Variants in SPOCK3 observed in about 807,000 individuals in gnomAD.
SPOCK3 encodes testican-3.
Under a neutral mutation model 56.6 loss-of-function variants are expected in SPOCK3, and 30 were observed. The observed-to-expected ratio is 0.53, with a 90% CI of 0.40 to 0.72. The LOEUF (loss-of-function observed/expected upper bound fraction) is 0.72. SPOCK3 is among the 30% of genes least tolerant of loss of function. SPOCK3 has a pLI of 0.00. For missense variants in SPOCK3, 527 were observed against 530.0 expected (o/e 0.99, Z 0.06); for synonymous variants, 196 against 183.3 (o/e 1.07, Z -0.56).
intron 2 of SPOCK3, among the ~76,000 whole-genome samples, chr4:167,170,571 G>A (rs573673014): frequency 1.3e-5 from 2 of 152,028 alleles, no homozygotes; most frequent in African/African-American, 4.8e-5. Flanking sequence ...TTTTACTAAC[G>A]AGAAGACCAA....
chr4:166,923,913 C>A (rs1382663081), intron 4 of SPOCK3, among the ~76,000 whole-genome samples: 1 of 152,116 alleles, frequency 6.6e-6, no homozygotes, highest in Non-Finnish European at 1.5e-5. Context: ...ATATCAACAT[C>A]CCTCATTTGA....
At chr4:166,817,294 G>A (rs941910623) in intron 6 of SPOCK3, among the ~76,000 whole-genome samples, 5 of 152,028 alleles carry the variant, frequency 3.3e-5, no homozygotes, top group Admixed American at 1.3e-4. Flanking sequence ...TTCACTGGGT[G>A]AGAAACATTA....
At chr4:167,101,136 G>A (rs1436127536) in intron 2 of SPOCK3, among the ~76,000 whole-genome samples, 5 of 152,068 alleles carry the variant, frequency 3.3e-5, no homozygotes, top group Admixed American at 3.3e-4. Context: ...AGTGGTGGCT[G>A]TTTTCTTTAT....
At chr4:167,194,947 GCC>G (rs901529219) in intron 2 of SPOCK3, among the ~76,000 whole-genome samples, 15 of 152,286 alleles carry the variant, frequency 9.8e-5, no homozygotes, top group Non-Finnish European at 1.9e-4. Flanking sequence ...GGCAGTACTA[GCC>G]CCTAAATCAC....
intron 3 of SPOCK3, among the ~76,000 whole-genome samples, chr4:167,046,324 T>C (rs1203654195): frequency 1.3e-5 from 2 of 151,984 alleles, no homozygotes; most frequent in African/African-American, 4.8e-5. Context: ...GCATTTATTC[T>C]TCTTGGTGTT....
intron 2 of SPOCK3, among the ~76,000 whole-genome samples, chr4:167,072,772 T>C (rs1265868041): frequency 1.3e-5 from 2 of 151,902 alleles, no homozygotes; most frequent in Non-Finnish European, 2.9e-5. Flanking sequence ...ACGATATGTA[T>C]TCTGAAGCCA....
intron 4 of SPOCK3, among the ~76,000 whole-genome samples, chr4:166,958,889 C>A (rs1185682513): frequency 6.6e-6 from 1 of 152,110 alleles, no homozygotes; most frequent in Non-Finnish European, 1.5e-5. Context: ...AAAGGGATGA[C>A]CAAGACAGAA....
intron 4 of SPOCK3, among the ~76,000 whole-genome samples, chr4:166,926,998 T>C (rs1561017964): frequency 1.3e-5 from 2 of 152,142 alleles, no homozygotes; most frequent in African/African-American, 2.4e-5. Flanking sequence ...AGGTGACTAA[T>C]AGCAATGGAC....
intron 2 of SPOCK3, among the ~76,000 whole-genome samples, chr4:167,073,076 TA>T (rs988220164): frequency 7.9e-5 from 12 of 151,752 alleles, no homozygotes; most frequent in Non-Finnish European, 1.6e-4. Flanking sequence ...ATATGTGCAA[TA>T]AATATTAATA....
At chr4:166,836,575 G>A (rs575859664) in intron 6 of SPOCK3, among the ~76,000 whole-genome samples, 1 of 152,258 alleles carries the variant, frequency 6.6e-6, no homozygotes, top group South Asian at 2.1e-4. Context: ...CCTCAGTGAA[G>A]ATTGTTTTTT....
intron 2 of SPOCK3, among the ~76,000 whole-genome samples, chr4:167,086,505 G>C (rs914077928): frequency 6.6e-6 from 1 of 152,044 alleles, no homozygotes; most frequent in Non-Finnish European, 1.5e-5. Context: ...ACATGGTTCT[G>C]GGTTCTGCTA....
At chr4:167,041,692 C>A (rs1188592719) in intron 3 of SPOCK3, among the ~76,000 whole-genome samples, 2 of 152,136 alleles carry the variant, frequency 1.3e-5, no homozygotes, top group Admixed American at 6.5e-5. Context: ...TTCTATTATA[C>A]TGTAGGATGA....
At position 166,909,620 on chromosome 4, in the gene SPOCK3, G is replaced by A. The variant is rs557367970; in HGVS notation, c.474+3000C>T. Among the ~76,000 whole-genome samples, 4 of 152,112 alleles carry A rather than the reference G, an allele frequency of 2.6e-5. No homozygotes were observed. The South Asian group carries it at 8.3e-4, about 32-fold the overall frequency. On this transcript the variant is annotated intron_variant, in intron 5 of 10. Transcript: ENST00000357545. The stretch of plus-strand genomic sequence containing the variant: ...GACTGCACTTCCACACTGAATGTAG[G>A]GCCCCACATCCAAGACTCATCATAT...
chr4:167,223,106 TATATA>T (rs1485986829), intron 2 of SPOCK3, among the ~76,000 whole-genome samples: 2 of 88,938 alleles, frequency 2.2e-5, no homozygotes, highest in Non-Finnish European at 3.9e-5. Flanking sequence ...TATATATGAA[TATATA>T]ATATATATTT....
intron 2 of SPOCK3, among the ~76,000 whole-genome samples, chr4:167,227,730 T>C (rs965778878): frequency 1.3e-5 from 2 of 152,080 alleles, no homozygotes; most frequent in African/African-American, 2.4e-5. Context: ...TAAAAATAAG[T>C]ACATAAAATG....
intron 6 of SPOCK3, among the ~76,000 whole-genome samples, chr4:166,874,434 T>C (rs1331859448): frequency 6.6e-6 from 1 of 152,224 alleles, no homozygotes; most frequent in Non-Finnish European, 1.5e-5. Context: ...AATATAGGTC[T>C]TTGATAAGTA....
chr4:167,000,543 A>C, intron 3 of SPOCK3, 80 bp from the exon 4 acceptor site: 1 of 686,550 alleles, frequency 1.5e-6, no homozygotes, highest in South Asian at 1.8e-5. Context: ...CAATTTGATC[A>C]GGTCATTTAC....
intron 4 of SPOCK3, among the ~76,000 whole-genome samples, chr4:166,925,190 A>G (rs553047280): frequency 1.4e-4 from 22 of 152,304 alleles, no homozygotes; most frequent in African/African-American, 5.1e-4. Context: ...TTGTATGAAC[A>G]ATGAAATTGA....
chr4:166,868,297 G>T (rs1732075577), intron 6 of SPOCK3, among the ~76,000 whole-genome samples: 1 of 108,024 alleles, frequency 9.3e-6, no homozygotes, highest in African/African-American at 3.1e-5. Context: ...AAAAAGAAAA[G>T]AAAAGAAAAA....
Sources: gnomAD v4.1 joint callset for allele counts (sites outside exome capture counted in the v4.1 genomes callset) on GRCh38, gnomAD v4.1.1 for gene constraint, MANE v1.5 for transcripts, NCBI Gene and HGNC (gene_info 2026-07-23, HGNC 2026-07-21) for gene names.